The following CDK17 variants were observed in gnomAD, a reference collection of about 807,000 sequenced individuals.
CDK17 encodes the protein cyclin dependent kinase 17, also known as cyclin-dependent kinase 17.
A neutral mutation model predicts 77.6 loss-of-function variants in CDK17; 24 were observed. The ratio of observed to expected loss-of-function variants is 0.31; its 90% confidence interval spans 0.22 to 0.44. The LOEUF (loss-of-function observed/expected upper bound fraction) is 0.44. Among genes scored for constraint, CDK17 ranks in the 20% least tolerant of loss-of-function variants. CDK17 has a pLI of 1.00. For missense variants in CDK17, 429 were observed against 622.5 expected (o/e 0.69, Z 3.31); for synonymous variants, 203 against 210.4 (o/e 0.96, Z 0.30).
intron 1 of CDK17, among the ~76,000 whole-genome samples, chr12:96,386,258 A>C (rs1953972695): frequency 6.6e-6 from 1 of 152,306 alleles, no homozygotes; most frequent in Non-Finnish European, 1.5e-5. Flanking sequence ...AGCCTCCCAA[A>C]GTGCTGGGAT....
intron 1 of CDK17, among the ~76,000 whole-genome samples, chr12:96,363,406 G>A (rs1310350224): frequency 4.1e-5 from 6 of 146,924 alleles, no homozygotes; most frequent in African/African-American, 1.3e-4. Context: ...AGCCGAGATG[G>A]GCCACTGCAC....
intron 1 of CDK17, among the ~76,000 whole-genome samples, chr12:96,337,654 A>G (rs1953062573): frequency 6.6e-6 from 1 of 152,218 alleles, no homozygotes; most frequent in African/African-American, 2.4e-5. Flanking sequence ...TACTTCTGAT[A>G]GTCAACCTTT....
intron 1 of CDK17, among the ~76,000 whole-genome samples, chr12:96,353,358 T>C (rs899875456): frequency 6.6e-6 from 1 of 152,220 alleles, no homozygotes; most frequent in Admixed American, 6.5e-5. Context: ...CTATACTATG[T>C]AGCAGAAATG....
At chr12:96,329,651 G>A (rs1467771822) in intron 2 of CDK17, among the ~76,000 whole-genome samples, 1 of 152,062 alleles carries the variant, frequency 6.6e-6, no homozygotes, top group East Asian at 1.9e-4. Context: ...AGGAACTTGT[G>A]CTATTTGTTG....
At chr12:96,313,537 G>T (rs2137108387) in intron 3 of CDK17, 83 bp from the exon 4 acceptor site, 1 of 731,880 alleles carries the variant, frequency 1.4e-6, no homozygotes. Flanking sequence ...AATATAGAAG[G>T]CCAACGAGTA....
chr12:96,308,587 G>A (rs552187619), intron 5 of CDK17, among the ~76,000 whole-genome samples: 3 of 151,776 alleles, frequency 2.0e-5, no homozygotes, highest in South Asian at 4.2e-4. Flanking sequence ...AAATTAGCAG[G>A]ACATGGTGGC....
intron 10 of CDK17, among the ~76,000 whole-genome samples, chr12:96,291,505 T>C (rs937774994): frequency 6.6e-6 from 1 of 152,134 alleles, no homozygotes; most frequent in Non-Finnish European, 1.5e-5. Flanking sequence ...TTGCCCAGAC[T>C]GGTCTTGAAC....
chr12:96,301,811 A>T (rs1952510007), intron 5 of CDK17, among the ~76,000 whole-genome samples: 1 of 152,150 alleles, frequency 6.6e-6, no homozygotes, highest in Non-Finnish European at 1.5e-5. Flanking sequence ...TTAGACTTGC[A>T]TCACTTACCA....
intron 1 of CDK17, among the ~76,000 whole-genome samples, chr12:96,367,365 A>G (rs1471997592): frequency 1.3e-5 from 2 of 151,096 alleles, no homozygotes; most frequent in Non-Finnish European, 1.5e-5. Context: ...AAAAAAAAAA[A>G]AAAAAAGAAA....
At chr12:96,283,525 T>C (rs1952205444) in intron 14 of CDK17, 78 bp downstream of exon 14, 1 of 797,602 alleles carries the variant, frequency 1.3e-6, no homozygotes, top group Admixed American at 2.1e-5. Flanking sequence ...ACCGAGGAAG[T>C]ACTACTGAGC....
chr12:96,297,399 T>C (rs773946376), intron 8 of CDK17, 67 bp from the exon 9 acceptor site: 20 of 1,069,334 alleles, frequency 1.9e-5, no homozygotes, highest in East Asian at 1.7e-4. Flanking sequence ...GTTCACTTAA[T>C]AGTGTTTTTC....
chr12:96,286,549 A>G (rs976931470), intron 12 of CDK17, 115 bp downstream of exon 12: 2 of 661,842 alleles, frequency 3.0e-6, no homozygotes, highest in Middle Eastern at 5.0e-4. Context: ...TCTAACTAAC[A>G]GCTGTTTATG....
chr12:96,285,810 A>G (rs1295965957), intron 13 of CDK17: 1 of 251,610 alleles, frequency 4.0e-6, no homozygotes, highest in African/African-American at 2.3e-5. Context: ...GAATTTCATC[A>G]TAATCTCTGT....
intron 1 of CDK17, among the ~76,000 whole-genome samples, chr12:96,386,237 C>CT (rs1953972260): frequency 6.6e-6 from 1 of 152,214 alleles, no homozygotes; most frequent in South Asian, 2.1e-4. Context: ...CTCAGGTGAT[C>CT]TGCCCACCTC....
chr12:96,311,276 G>A (rs1211356353), intron 4 of CDK17, 99 bp from the exon 5 acceptor site: 1 of 1,054,182 alleles, frequency 9.5e-7, no homozygotes, highest in East Asian at 2.9e-5. Context: ...ATAAGTAATT[G>A]TAAAGTTTTA....
intron 10 of CDK17, among the ~76,000 whole-genome samples, chr12:96,292,233 C>T (rs1952333840): frequency 6.6e-6 from 1 of 152,112 alleles, no homozygotes; most frequent in South Asian, 2.1e-4. Flanking sequence ...AGAATAAACT[C>T]ACCATTTAAT....
chr12:96,323,985 G>T lies in CDK17; in HGVS notation c.246C>A (p.Gly82=). 6.2e-7 allele frequency: 1 copy of T among 1,605,142 alleles called. No homozygotes were observed. The highest frequency in any genetic ancestry group is 8.5e-7 in the Non-Finnish European group (1 of 1,175,960). ...CATTTCTGGGCATTGCCATGAAGGA[G>T]CCAAGGCTCCCTCCAATAACACTGT... ...RPHSVIGGSL[G]SFMAMPRNGS... is the part of the protein sequence containing the mutation. Residue 82 remains glycine, a synonymous_variant, in exon 3 of 17, where the codon GGC becomes GGA. Coordinates refer to ENST00000261211, the MANE Select transcript of CDK17 (RefSeq NM_002595.5).
chr12:96,369,818 C>T (rs909070975), intron 1 of CDK17, among the ~76,000 whole-genome samples: 1 of 148,038 alleles, frequency 6.8e-6, no homozygotes, highest in Admixed American at 6.7e-5. Flanking sequence ...CGGTGGCTCA[C>T]GCCTGTAATC....
intron 1 of CDK17, among the ~76,000 whole-genome samples, chr12:96,348,713 T>G (rs1341446888): frequency 6.6e-6 from 1 of 152,048 alleles, no homozygotes; most frequent in Non-Finnish European, 1.5e-5. Context: ...ACAAATTGGA[T>G]AGCTTAATGA....
Sources: allele counts gnomAD v4.1 joint callset (sites outside exome capture counted in the v4.1 genomes callset), GRCh38; gene constraint gnomAD v4.1.1; transcripts MANE v1.5; gene names NCBI Gene and HGNC (gene_info 2026-07-23, HGNC 2026-07-21).